The following VTI1A variants were observed in gnomAD, a reference collection of about 807,000 sequenced individuals.
VTI1A encodes the protein vesicle transport through interaction with t-SNAREs 1A.
Under a neutral mutation model 34.9 loss-of-function variants are expected in VTI1A, and 22 were observed. The ratio of observed to expected loss-of-function variants is 0.63; its 90% confidence interval spans 0.45 to 0.90. VTI1A has a LOEUF of 0.90. Ranked by LOEUF, VTI1A falls within the 40% of genes least tolerant of loss-of-function variation. The pLI, the probability that VTI1A is intolerant of heterozygous loss-of-function variation, is 0.00. For missense variants in VTI1A, 268 were observed against 275.6 expected (o/e 0.97, Z 0.20); for synonymous variants, 87 against 97.3 (o/e 0.89, Z 0.62).
intron 3 of VTI1A, among the ~76,000 whole-genome samples, chr10:112,514,309 T>A (rs1802002887): frequency 6.6e-6 from 1 of 151,934 alleles, no homozygotes; most frequent in South Asian, 2.1e-4. Context: ...TTGTTCATAG[T>A]AGTTTCTTAT....
chr10:112,560,302 T>C (rs1851679220), intron 5 of VTI1A, among the ~76,000 whole-genome samples: 1 of 152,216 alleles, frequency 6.6e-6, no homozygotes, highest in South Asian at 2.1e-4. Flanking sequence ...GAAATACCTT[T>C]TTTTAAAAGT....
intron 5 of VTI1A, among the ~76,000 whole-genome samples, chr10:112,593,172 G>A (rs1192317737): frequency 6.6e-6 from 1 of 152,138 alleles, no homozygotes; most frequent in South Asian, 2.1e-4. Context: ...TTCAACCCTC[G>A]CTCAACATTA....
intron 7 of VTI1A, among the ~76,000 whole-genome samples, chr10:112,728,721 G>A (rs1011099732): frequency 1.3e-5 from 2 of 152,098 alleles, no homozygotes; most frequent in Admixed American, 6.6e-5. Context: ...TAGTGTTCTC[G>A]GACAATATCT....
At chr10:112,517,714 C>T (rs181700814) in intron 3 of VTI1A, among the ~76,000 whole-genome samples, 45 of 152,156 alleles carry the variant, frequency 3.0e-4, no homozygotes, top group Admixed American at 2.0e-3. Flanking sequence ...TGACTCCAAT[C>T]TAGTCATGAG....
intron 7 of VTI1A, among the ~76,000 whole-genome samples, chr10:112,741,750 C>T (rs7075510): frequency 0.15 from 22,936 of 151,906 alleles, 3,780 homozygotes; most frequent in African/African-American, 0.41. Flanking sequence ...TTTTTACCAG[C>T]GTAGAAAAAA....
intron 3 of VTI1A, among the ~76,000 whole-genome samples, chr10:112,519,867 G>GT (rs1849947359): frequency 6.6e-6 from 1 of 152,038 alleles, no homozygotes; most frequent in East Asian, 1.9e-4. Context: ...ACTTGAAACT[G>GT]TGACTATGGA....
chr10:112,538,269 A>AT lies in VTI1A; in HGVS notation c.366_367insT (p.Glu123Ter). The AT allele has an allele frequency of 6.2e-7, 1 of 1,613,440 alleles. No homozygotes were observed. Among genetic ancestry groups the AT allele is most frequent in the Non-Finnish European group, 8.5e-7 (1 of 1,179,744 alleles). ...AGAGGGCACATCTGCTCGATAACAC[A>AT]GAGAGGCTGGAAAGGTCATCTCGGA... On this transcript the variant is annotated frameshift_variant, in exon 5 of 8. Coordinates refer to ENST00000393077, the MANE Select transcript of VTI1A (RefSeq NM_145206.4). LOFTEE classifies it high-confidence loss of function.
chr10:112,723,795 G>A (rs188848047), intron 7 of VTI1A, among the ~76,000 whole-genome samples: 4 of 152,338 alleles, frequency 2.6e-5, no homozygotes, highest in Admixed American at 2.6e-4. Context: ...GGAATAATTT[G>A]AAGTTGCTCT....
the VTI1A span, among the ~76,000 whole-genome samples, chr10:112,845,687 C>A: frequency 7.9e-5 from 12 of 152,208 alleles, no homozygotes; most frequent in Non-Finnish European, 1.6e-4. Context: ...TCAGGACGAG[C>A]CCCAGGTTCT....
At chr10:112,645,908 A>G (rs1846761104) in intron 5 of VTI1A, among the ~76,000 whole-genome samples, 1 of 148,036 alleles carries the variant, frequency 6.8e-6, no homozygotes, top group Non-Finnish European at 1.5e-5. Context: ...TATGCCAGGC[A>G]TTATATGGAA....
Position 112,464,588 on chromosome 10 carries a change from A to C in VTI1A, c.195A>C (p.Gln65His), listed in dbSNP as rs1406501290. ...MDLEVREIPP[Q>H]SRGMYSNRMR... ...TGGAAGTCCGAGAGATACCACCCCA[A>C]AGTCGAGGGATGTACAGCAACAGAA... Residue 65 changes from glutamine to histidine, a missense_variant, in exon 3 of 8, where the codon CAA becomes CAC. Coordinates refer to ENST00000393077, the MANE Select transcript of VTI1A (RefSeq NM_145206.4). The C allele has an allele frequency of 1.2e-6, 2 of 1,612,916 alleles. No individual in the cohort carries two copies. The highest frequency in any genetic ancestry group is 2.7e-5 in the African/African-American group (2 of 74,850).
intron 7 of VTI1A, among the ~76,000 whole-genome samples, chr10:112,776,057 G>T (rs190617376): frequency 2.0e-5 from 3 of 152,234 alleles, no homozygotes; most frequent in Non-Finnish European, 4.4e-5. Context: ...GATTTATTAG[G>T]CTGACTTGGT....
At chr10:112,793,145 C>T (rs907268137) in intron 7 of VTI1A, among the ~76,000 whole-genome samples, 3 of 152,124 alleles carry the variant, frequency 2.0e-5, no homozygotes, top group South Asian at 2.1e-4. Flanking sequence ...GCGGACAGAC[C>T]AGGAGTAAGC....
chr10:112,477,991 T>G (rs1280043926), intron 3 of VTI1A, among the ~76,000 whole-genome samples: 14 of 152,206 alleles, frequency 9.2e-5, no homozygotes, highest in African/African-American at 2.9e-4. Context: ...ATCTTGCAGA[T>G]TTATATTCAT....
intron 7 of VTI1A, among the ~76,000 whole-genome samples, chr10:112,787,429 T>G (rs1274218957): frequency 1.3e-5 from 2 of 152,126 alleles, no homozygotes; most frequent in African/African-American, 4.8e-5. Flanking sequence ...TTTTTATTGC[T>G]TGTGTTGGGC....
chr10:112,596,278 A>T (rs1245181457), intron 5 of VTI1A, among the ~76,000 whole-genome samples: 1 of 150,516 alleles, frequency 6.6e-6, no homozygotes, highest in Admixed American at 6.7e-5. Context: ...TAACCTGCAT[A>T]TTGTGCACAT....
intron 5 of VTI1A, among the ~76,000 whole-genome samples, chr10:112,607,838 T>C (rs1209175703): frequency 1.3e-5 from 2 of 152,212 alleles, no homozygotes; most frequent in African/African-American, 4.8e-5. Flanking sequence ...ATTCCATCCC[T>C]TGGGCTTCTT....
At chr10:112,523,866 C>T (rs1162122530) in intron 3 of VTI1A, among the ~76,000 whole-genome samples, 1 of 152,084 alleles carries the variant, frequency 6.6e-6, no homozygotes, top group African/African-American at 2.4e-5. Context: ...ATTTCCAGCT[C>T]AAATTCTCAT....
At chr10:112,720,728 C>T (rs931498697) in intron 7 of VTI1A, among the ~76,000 whole-genome samples, 3 of 152,046 alleles carry the variant, frequency 2.0e-5, no homozygotes, top group South Asian at 2.1e-4. Context: ...CTTTGTTTTC[C>T]GTTTGGTTAG....
Sources: gnomAD v4.1 joint callset for allele counts (sites outside exome capture counted in the v4.1 genomes callset) on GRCh38, gnomAD v4.1.1 for gene constraint, MANE v1.5 for transcripts, NCBI Gene and HGNC (gene_info 2026-07-23, HGNC 2026-07-21) for gene names.